NUP88: variants seen among roughly 807,000 people sequenced by gnomAD.
NUP88 encodes nuclear pore complex protein Nup88.
A neutral mutation model predicts 93.9 loss-of-function variants in NUP88; 57 were observed. That is an observed-to-expected ratio of 0.61 (90% CI 0.49 to 0.76). NUP88 has a LOEUF of 0.76. Ranked by LOEUF, NUP88 falls within the 30% of genes least tolerant of loss-of-function variation. The pLI is 0.00. For missense variants in NUP88, 911 were observed against 901.0 expected (o/e 1.01, Z -0.14); for synonymous variants, 346 against 336.8 (o/e 1.03, Z -0.30).
At chr17:5,387,339 G>A (rs150265329) in intron 14 of NUP88, 47 bp downstream of exon 14, 34 of 1,508,704 alleles carry the variant, frequency 2.3e-5, no homozygotes, top group Middle Eastern at 1.7e-4. Flanking sequence ...CTTAAATATC[G>A]TTGTTAGTAC....
At chr17:5,396,180 C>T (rs1912764815) in intron 8 of NUP88, among the ~76,000 whole-genome samples, 1 of 152,124 alleles carries the variant, frequency 6.6e-6, no homozygotes, top group Non-Finnish European at 1.5e-5. Flanking sequence ...CATTGCACCC[C>T]AGCCTGGGCA....
At chr17:5,403,538 G>T (rs1397453574) in intron 7 of NUP88, among the ~76,000 whole-genome samples, 1 of 151,990 alleles carries the variant, frequency 6.6e-6, no homozygotes, top group Admixed American at 6.6e-5. Context: ...GTGGGTACCT[G>T]CAATCCAGCT....
chr17:5,391,168 G>A (rs751686202), intron 10 of NUP88, among the ~76,000 whole-genome samples: 20 of 152,310 alleles, frequency 1.3e-4, no homozygotes, highest in Non-Finnish European at 2.5e-4. Context: ...AAATGGAAAT[G>A]ACAGTGCCTT....
rs767701288 is a variant in NUP88, at chr17:5,394,998, T to C, written c.1292-17A>G. The C allele has an allele frequency of 1.7e-5, 25 of 1,470,934 alleles. No homozygotes were observed. In the African/African-American group the frequency reaches 3.1e-4, roughly 18 times the overall value. 91.1% of individuals were successfully genotyped at this position (1,470,934 alleles called of 1,614,324 possible). On this transcript the variant is annotated splice_polypyrimidine_tract_variant and intron_variant, in intron 8 of 16. Coordinates refer to ENST00000573584, the MANE Select transcript of NUP88 (RefSeq NM_002532.6). ...CTTCTTCATCTACCATGGAAGACAT[T>C]ACATAAATGAAATGATGCTTAGACA...
intron 3 of NUP88, among the ~76,000 whole-genome samples, chr17:5,411,580 C>CA (rs56658902): frequency 0.026 from 2,900 of 110,004 alleles, 91 homozygotes; most frequent in African/African-American, 0.086. Context: ...GACTCCATTT[C>CA]AAAAAAAAAA....
At chr17:5,401,609 A>G (rs907334668) in intron 7 of NUP88, among the ~76,000 whole-genome samples, 1 of 152,234 alleles carries the variant, frequency 6.6e-6, no homozygotes, top group Non-Finnish European at 1.5e-5. Context: ...AAAACATCTT[A>G]GAAAACAGCA....
chr17:5,387,675 A>G lies in NUP88; in HGVS notation c.1770-5T>C. On this transcript the variant is annotated splice_region_variant and splice_polypyrimidine_tract_variant and intron_variant, in intron 12 of 16. Coordinates refer to ENST00000573584, the MANE Select transcript of NUP88 (RefSeq NM_002532.6). Reference sequence around the variant, plus strand: ...TGGTCACATAATAATTTGACCCTTTAAAAACAAAAAGAAATAGAGTTTATT... The same window carrying G: ...TGGTCACATAATAATTTGACCCTTTGAAAACAAAAAGAAATAGAGTTTATT... 1 of 1,611,322 alleles carries G rather than the reference A, an allele frequency of 6.2e-7. No homozygotes were observed. The highest frequency in any genetic ancestry group is 8.5e-7 in the Non-Finnish European group (1 of 1,178,630).
At chr17:5,394,820 G>A (rs940504258) in intron 9 of NUP88, 71 bp downstream of exon 9, 36 of 1,018,554 alleles carry the variant, frequency 3.5e-5, no homozygotes, top group African/African-American at 9.5e-5. Flanking sequence ...TGAGTGTAAC[G>A]GATACAAACG....
chr17:5,395,403 T>G (rs1273687066), intron 8 of NUP88, among the ~76,000 whole-genome samples: 1 of 152,206 alleles, frequency 6.6e-6, no homozygotes, highest in Non-Finnish European at 1.5e-5. Flanking sequence ...AAATCCTAAA[T>G]GCTCCAATGA....
At position 5,387,844 on chromosome 17, in the gene NUP88, G is replaced by A. The variant is rs1912132035; in HGVS notation, c.1704C>T (p.Ala568=). ...TGTACTGCTCTCTGAACACCTGGGT[G>A]GCTCTGCTGAGGAGCTGAAGGCATT... ...PEECLQLLSR[A]TQVFREQYIL... Residue 568 remains alanine (A), a synonymous_variant, in exon 12 of 17, where the codon GCC becomes GCT. Transcript: ENST00000573584. 1.9e-6 allele frequency: 3 copies of A among 1,614,060 alleles called. No homozygotes were observed. The highest frequency in any genetic ancestry group is 2.2e-5 in the East Asian group (1 of 44,876).
chr17:5,393,102 G>A (rs987080991), intron 9 of NUP88, among the ~76,000 whole-genome samples: 7 of 146,668 alleles, frequency 4.8e-5, no homozygotes, highest in Admixed American at 6.8e-5. Context: ...ACAGGTGCCC[G>A]CCACTACACC....
At chr17:5,414,809 C>T (rs532530494) in intron 2 of NUP88, among the ~76,000 whole-genome samples, 6 of 151,172 alleles carry the variant, frequency 4.0e-5, no homozygotes, top group South Asian at 2.1e-4. Flanking sequence ...ACCCGTTACC[C>T]GTGAGGCTGA....
chr17:5,413,110 T>C (rs944869968), intron 3 of NUP88, among the ~76,000 whole-genome samples: 3 of 152,224 alleles, frequency 2.0e-5, no homozygotes, highest in African/African-American at 7.2e-5. Context: ...CCTGAGTAGC[T>C]GGGACTACCG....
intron 8 of NUP88, 64 bp downstream of exon 8, chr17:5,399,488 G>T: frequency 2.4e-6 from 2 of 831,282 alleles, no homozygotes. Flanking sequence ...CTACTTTTCT[G>T]AAATCTATTA....
At chr17:5,409,839 G>A (rs1471178147) in intron 4 of NUP88, among the ~76,000 whole-genome samples, 5 of 152,208 alleles carry the variant, frequency 3.3e-5, no homozygotes, top group African/African-American at 1.2e-4. Context: ...AGATCTGAAG[G>A]AAGTAAGAGA....
intron 8 of NUP88, among the ~76,000 whole-genome samples, chr17:5,396,351 G>C (rs1443046130): frequency 1.3e-5 from 2 of 152,158 alleles, no homozygotes; most frequent in African/African-American, 2.4e-5. Flanking sequence ...TTCTGTCTCT[G>C]TACATTTGTC....
chr17:5,401,916 A>G (rs1480261947), intron 7 of NUP88, among the ~76,000 whole-genome samples: 2 of 152,226 alleles, frequency 1.3e-5, no homozygotes, highest in Non-Finnish European at 2.9e-5. Flanking sequence ...CTTTGTCACT[A>G]AGAAATCTGG....
chr17:5,397,325 G>C (rs549540703), intron 8 of NUP88, among the ~76,000 whole-genome samples: 1 of 151,672 alleles, frequency 6.6e-6, no homozygotes, highest in African/African-American at 2.4e-5. Flanking sequence ...AGACAACAGA[G>C]TGAGACCCTC....
At position 5,384,877 on chromosome 17, in the gene NUP88, A is replaced by AAATT. The variant is rs1911817988; in HGVS notation, c.*1325_*1328dup. On this transcript the variant is annotated 3_prime_UTR_variant, in exon 17 of 17. Transcript: ENST00000573584. ...ATTAATTATAAAATGCAATCAATTT[A>AAATT]AATTACGTAGGTTTAAGACTAGTCC... The AAATT allele has an allele frequency of 4.5e-6, 1 of 221,114 alleles. No homozygotes were observed. Among genetic ancestry groups the AAATT allele is most frequent in the Non-Finnish European group, 9.0e-6 (1 of 110,750 alleles). The allele number at this position is 221,114 out of a possible 1,614,324, so 13.7% of individuals were successfully genotyped here.
Sources: gnomAD v4.1 joint callset for allele counts (sites outside exome capture counted in the v4.1 genomes callset) on GRCh38, gnomAD v4.1.1 for gene constraint, MANE v1.5 for transcripts, NCBI Gene and HGNC (gene_info 2026-07-23, HGNC 2026-07-21) for gene names.